The following TFEC variants were observed in gnomAD, a reference collection of about 807,000 sequenced individuals.
TFEC encodes transcription factor EC.
TFEC carries 31 observed loss-of-function variants against 41.6 expected under a neutral mutation model. The observed-to-expected ratio is 0.74, with a 90% CI of 0.56 to 1.01. The LOEUF (loss-of-function observed/expected upper bound fraction) is 1.01. Among genes scored for constraint, TFEC ranks in the 50% least tolerant of loss-of-function variants. The pLI is 0.00. For missense variants in TFEC, 402 were observed against 404.1 expected, an observed-to-expected ratio of 0.99 and a Z score of 0.04; for synonymous variants, 143 against 140.6, an observed-to-expected ratio of 1.02 and a Z score of -0.12.
At chr7:115,971,381 A>G (rs560909320) in intron 3 of TFEC, among the ~76,000 whole-genome samples, 1 of 152,062 alleles carries the variant, frequency 6.6e-6, no homozygotes, top group South Asian at 2.1e-4. Flanking sequence ...AGAAAAAAAA[A>G]ACCTTACATA....
At chr7:116,054,115 C>T (rs546780861) in intron 3 of TFEC, among the ~76,000 whole-genome samples, 3 of 152,218 alleles carry the variant, frequency 2.0e-5, no homozygotes, top group East Asian at 1.9e-4. Context: ...AATTCTATAC[C>T]ATCAGGGAGG....
At chr7:115,980,474 G>A (rs958760442) in intron 2 of TFEC, among the ~76,000 whole-genome samples, 3 of 152,166 alleles carry the variant, frequency 2.0e-5, no homozygotes, top group Non-Finnish European at 4.4e-5. Flanking sequence ...TAGGGGCTGG[G>A]CATGGTGGCT....
chr7:116,056,046 C>G (rs1490172127), intron 3 of TFEC, among the ~76,000 whole-genome samples: 1 of 151,900 alleles, frequency 6.6e-6, no homozygotes, highest in Admixed American at 6.6e-5. Context: ...ATTACTGTAT[C>G]CAACCAAGAT....
At chr7:116,156,950 T>C (rs1798882231) in intron 1 of TFEC, among the ~76,000 whole-genome samples, 1 of 152,188 alleles carries the variant, frequency 6.6e-6, no homozygotes, top group African/African-American at 2.4e-5. Flanking sequence ...TGATACTTTT[T>C]TTGTCTTACC....
chr7:115,952,139 A>T (rs966217188), intron 5 of TFEC, among the ~76,000 whole-genome samples: 23 of 152,108 alleles, frequency 1.5e-4, no homozygotes, highest in African/African-American at 5.5e-4. Flanking sequence ...CTACAAAGCA[A>T]ATTACATGAA....
chr7:116,006,006 C>G (rs1851905), intron 1 of TFEC, among the ~76,000 whole-genome samples: 107,645 of 151,928 alleles, frequency 0.71, 38,228 homozygotes, highest in African/African-American at 0.78. Flanking sequence ...CTACGGTGCT[C>G]AGAAGTCAAG....
At chr7:115,992,539 C>G (rs976550573) in intron 1 of TFEC, among the ~76,000 whole-genome samples, 3 of 152,118 alleles carry the variant, frequency 2.0e-5, no homozygotes, top group African/African-American at 7.2e-5. Context: ...CCACTGATCC[C>G]ACAGAAATAC....
At chr7:116,099,065 A>C (rs141636422) in intron 3 of TFEC, among the ~76,000 whole-genome samples, 1 of 152,350 alleles carries the variant, frequency 6.6e-6, no homozygotes, top group Non-Finnish European at 1.5e-5. Context: ...AATATTCATT[A>C]AATTGGACTT....
At chr7:116,085,307 T>C (rs549617068) in intron 3 of TFEC, among the ~76,000 whole-genome samples, 38 of 152,018 alleles carry the variant, frequency 2.5e-4, no homozygotes, top group African/African-American at 8.2e-4. Flanking sequence ...TCTGATGTGA[T>C]TGATTTTTGT....
intron 2 of TFEC, among the ~76,000 whole-genome samples, chr7:115,981,809 C>T (rs561523812): frequency 5.9e-5 from 9 of 151,564 alleles, no homozygotes; most frequent in Admixed American, 2.6e-4. Context: ...TCCAGACAAA[C>T]GGTCATGATC....
At chr7:116,105,241 A>G (rs75394495) in intron 3 of TFEC, among the ~76,000 whole-genome samples, 2,417 of 152,248 alleles carry the variant, frequency 0.016, 59 homozygotes, top group African/African-American at 0.055. Flanking sequence ...CTGATCCCCT[A>G]CTCTGGCACA....
Position 115,974,170 on chromosome 7 carries a change from T to C in TFEC, c.267A>G (p.Thr89=). The C allele has an allele frequency of 6.3e-7, 1 of 1,590,310 alleles. No homozygotes were observed. Among genetic ancestry groups the C allele is most frequent in the Non-Finnish European group, 8.5e-7 (1 of 1,170,552 alleles). The change falls in exon 3 of 8, where the codon ACA becomes ACG. Residue 89 remains threonine (T), a splice_region_variant and synonymous_variant. Coordinates refer to ENST00000265440, the MANE Select transcript of TFEC (RefSeq NM_012252.4). The part of the protein sequence containing the change: ...GADSPLLMQR[T]LSGSILDVYS... The stretch of plus-strand genomic sequence containing the variant: ...CCTTCTTGGGTCTGAAAGCACTTAC[T>C]GTTCTTTGCATTAGCAGAGGAGAGT...
intron 3 of TFEC, among the ~76,000 whole-genome samples, chr7:116,090,353 G>A (rs1186482430): frequency 2.0e-5 from 3 of 152,122 alleles, no homozygotes; most frequent in African/African-American, 7.2e-5. Context: ...AGAAGATTCT[G>A]TATCTGGGCC....
intron 1 of TFEC, among the ~76,000 whole-genome samples, chr7:116,133,419 G>A (rs984783792): frequency 7.2e-5 from 11 of 151,992 alleles, no homozygotes; most frequent in Non-Finnish European, 4.4e-5. Context: ...ACGTGGTGGC[G>A]TGTGCCAGTA....
chr7:115,969,847 G>A (rs941216316), intron 3 of TFEC, among the ~76,000 whole-genome samples: 3 of 151,948 alleles, frequency 2.0e-5, no homozygotes, highest in Non-Finnish European at 4.4e-5. Flanking sequence ...AATCTTGGAT[G>A]TAGATTACAA....
At chr7:116,028,448 TTA>T (rs1795665849) in intron 1 of TFEC, among the ~76,000 whole-genome samples, 1 of 152,212 alleles carries the variant, frequency 6.6e-6, no homozygotes, top group African/African-American at 2.4e-5. Context: ...TCTTCGTAGG[TTA>T]TGACTTTGGG....
intron 1 of TFEC, among the ~76,000 whole-genome samples, chr7:115,986,572 G>C (rs1034732100): frequency 1.3e-5 from 2 of 152,120 alleles, no homozygotes; most frequent in Non-Finnish European, 2.9e-5. Context: ...TAAGTCAGCT[G>C]TTGGAAGGAG....
At chr7:116,102,017 A>G (rs1477122250) in intron 3 of TFEC, among the ~76,000 whole-genome samples, 2 of 152,174 alleles carry the variant, frequency 1.3e-5, no homozygotes, top group African/African-American at 2.4e-5. Flanking sequence ...AATTTTTATC[A>G]TAAGATATTC....
At chr7:116,159,646 C>A (rs1798936068) in intron 1 of TFEC, 1 of 152,192 alleles carries the variant, frequency 6.6e-6, no homozygotes, top group Non-Finnish European at 1.5e-5. Context: ...CTATTTCTAA[C>A]TTTTTGAGCT....
Sources: allele counts gnomAD v4.1 joint callset (sites outside exome capture counted in the v4.1 genomes callset), GRCh38; gene constraint gnomAD v4.1.1; transcripts MANE v1.5; gene names NCBI Gene and HGNC (gene_info 2026-07-23, HGNC 2026-07-21).